The following OR5M1 variants were observed in gnomAD, a reference collection of about 807,000 sequenced individuals.
OR5M1 encodes olfactory receptor 5M1.
For synonymous variants in OR5M1, 165 were observed against 144.2 expected, an observed-to-expected ratio of 1.14 and a Z score of -1.04; for missense variants, 367 against 379.5, an observed-to-expected ratio of 0.97 and a Z score of 0.27.
Position 56,613,112 on chromosome 11 carries a change from G to T in OR5M1, c.391C>A (p.His131Asn). The change falls in exon 2 of 2, where the codon CAT becomes AAT. Residue 131 changes from histidine to asparagine, a missense_variant. Transcript: ENST00000641076. ...TTCTTGGACATCCTGGAACTGTAAT[G>T]CAAAGGGCTGCAAATGGCTACATAG... is the stretch of plus-strand genomic sequence containing the variant. Reference protein sequence around the residue: ...DRYVAICSPLHYSSRMSKNIC... With the variant: ...DRYVAICSPLNYSSRMSKNIC... 1 of 1,613,868 alleles carries T rather than the reference G, an allele frequency of 6.2e-7. No homozygotes were observed. The highest frequency in any genetic ancestry group is 2.2e-5 in the East Asian group (1 of 44,870).
At position 56,612,881 on chromosome 11, in the gene OR5M1, A is replaced by G. The variant is rs1453258616; in HGVS notation, c.622T>C (p.Ser208Pro). ...AGAAGAATGATGAAGAGAGAGCTTGAGAGATTAAAGCCTGCAACTACAAAC... is the reference window on the plus strand; with the variant it reads ...AGAAGAATGATGAAGAGAGAGCTTGGGAGATTAAAGCCTGCAACTACAAAC... ...AMFVVAGFNLSSSLFIILLSY... is the reference protein window; with the variant it reads ...AMFVVAGFNLPSSLFIILLSY... Residue 208 changes from serine to proline, a missense_variant, in exon 2 of 2, where the codon TCA becomes CCA. Transcript: ENST00000641076. 2 of 1,613,782 alleles carry G rather than the reference A, an allele frequency of 1.2e-6. No homozygotes were observed. The highest frequency in any genetic ancestry group is 1.7e-6 in the Non-Finnish European group (2 of 1,179,734).
At chr11:56,613,712 A>G (rs1186629234) in intron 1 of OR5M1, among the ~76,000 whole-genome samples, 193 bp from the exon 2 acceptor site, 1 of 152,148 alleles carries the variant, frequency 6.6e-6, no homozygotes, top group Non-Finnish European at 1.5e-5. Context: ...CTATACATCA[A>G]ACCCACATAA....
At chr11:56,614,622 T>G (rs1010642971) in intron 1 of OR5M1, among the ~76,000 whole-genome samples, 1 of 152,162 alleles carries the variant, frequency 6.6e-6, no homozygotes, top group Non-Finnish European at 1.5e-5. Context: ...AAATTCCACC[T>G]TAAAGCCATT....
rs1403931633 is a variant in OR5M1 at position 56,613,060 on chromosome 11, G to T, written c.443C>A (p.Pro148His). Residue 148 changes from proline to histidine, a missense_variant, in exon 2 of 2, where the codon CCT (proline) becomes CAT (histidine). By Grantham distance (77) the Pro-to-His change is moderately conservative. Transcript: ENST00000641076. ...CCCACTAAGAAACCCATACATGTAA[G>T]GGATAGTGACCAGACAGACACAGAT... ...KNICVCLVTI[P>H]YMYGFLSGFS... 4 of 1,609,510 alleles carry T rather than the reference G, an allele frequency of 2.5e-6. No homozygotes were observed. Among genetic ancestry groups the T allele is most frequent in the Non-Finnish European group, 3.4e-6 (4 of 1,177,114 alleles).
At position 56,609,973 on chromosome 11, in the gene OR5M1, A is replaced by C. The variant is rs1398544944; in HGVS notation, c.*2582T>G. 3 of 152,064 alleles carry C rather than the reference A, an allele frequency of 2.0e-5. No individual in the cohort carries two copies. Among genetic ancestry groups the C allele is most frequent in the Non-Finnish European group, 4.4e-5 (3 of 67,900 alleles). 9.4% of individuals were successfully genotyped at this position (152,064 alleles called of 1,614,324 possible). Reference sequence around the variant, plus strand: ...ATATAAAGGTGCATACATTATATCAAGTGAAAATCAGTGTTCAAATTTGTA... The same window carrying C: ...ATATAAAGGTGCATACATTATATCACGTGAAAATCAGTGTTCAAATTTGTA... On this transcript the variant is annotated 3_prime_UTR_variant, in exon 2 of 2. Transcript: ENST00000641076.
Position 56,610,673 on chromosome 11 carries a change from T to C in OR5M1, c.*1882A>G, listed in dbSNP as rs1405297759. ...CCTAAAATCAGCACTACACTGTGAC[T>C]GCAACTCTTATAATTACTTTTATTC... On this transcript the variant is annotated 3_prime_UTR_variant, in exon 2 of 2. Transcript: ENST00000641076. 1 of 152,190 alleles carries C rather than the reference T, an allele frequency of 6.6e-6. No homozygotes were observed. Among genetic ancestry groups the C allele is most frequent in the African/African-American group, 2.4e-5 (1 of 41,462 alleles). The allele number at this position is 152,190 out of a possible 1,614,324, so 9.4% of individuals were successfully genotyped here. A position where few individuals can be genotyped will look rare whatever the true frequency, so the allele number is the denominator to read the frequency against.
rs1363731115 is a variant in OR5M1, at chr11:56,611,008, C to A, written c.*1547G>T. Reference sequence around the variant, plus strand: ...TAGGGTTTCAAATCTGGATATGAGACCATTCTGCTTGCCAGAAATGGAATA... The same window carrying A: ...TAGGGTTTCAAATCTGGATATGAGAACATTCTGCTTGCCAGAAATGGAATA... On this transcript the variant is annotated 3_prime_UTR_variant, in exon 2 of 2. Transcript: ENST00000641076. The A allele has an allele frequency of 6.6e-6, 1 of 151,996 alleles. No individual in the cohort carries two copies. Among genetic ancestry groups the A allele is most frequent in the Admixed American group, 6.6e-5 (1 of 15,216 alleles). The allele number at this position is 151,996 out of a possible 1,614,324, so 9.4% of individuals were successfully genotyped here.
chr11:56,610,437 T>C lies in OR5M1; in HGVS notation c.*2118A>G, dbSNP rs1219729065. The C allele has an allele frequency of 1.3e-5, 2 of 152,024 alleles. No individual in the cohort carries two copies. The highest frequency in any genetic ancestry group is 2.9e-5 in the Non-Finnish European group (2 of 67,978). 9.4% of individuals were successfully genotyped at this position (152,024 alleles called of 1,614,324 possible). A position where few individuals can be genotyped will look rare whatever the true frequency, so the allele number is the denominator to read the frequency against. ...ATAATCTCCAACATTCCACCAAGCA[T>C]TTGCAGTGTTTTGAGAATTTCTTTA... On this transcript the variant is annotated 3_prime_UTR_variant, in exon 2 of 2. Coordinates refer to ENST00000641076, the MANE Select transcript of OR5M1 (RefSeq NM_001004740.2).
Position 56,613,296 on chromosome 11 carries a change from T to C in OR5M1, c.207A>G (p.Val69=), listed in dbSNP as rs987369023. The stretch of plus-strand genomic sequence containing the variant: ...TAACATTGGAAGAATAGCAAATGTC[T>C]ACAAAGGAGAGGTGGCCAAGGAAGA... The part of the protein sequence containing the change: ...MYFFLGHLSF[V]DICYSSNVTP... Residue 69 remains valine (V), a synonymous_variant, in exon 2 of 2, where the codon GTA becomes GTG. Transcript: ENST00000641076. 2.5e-6 allele frequency: 4 copies of C among 1,613,676 alleles called. No homozygotes were observed. Among genetic ancestry groups the C allele is most frequent in the African/African-American group, 1.3e-5 (1 of 75,026 alleles).
At chr11:56,614,121 GT>G (rs1374979148) in intron 1 of OR5M1, among the ~76,000 whole-genome samples, 1 of 152,054 alleles carries the variant, frequency 6.6e-6, no homozygotes, top group Non-Finnish European at 1.5e-5. Context: ...ATGAAGACTT[GT>G]TTTTTTCCAC....
Position 56,612,422 on chromosome 11 carries a change from C to T in OR5M1, c.*133G>A. 2 of 533,798 alleles carry T rather than the reference C, an allele frequency of 3.7e-6. No homozygotes were observed. Among genetic ancestry groups the T allele is most frequent in the Non-Finnish European group, 6.5e-6 (2 of 307,448 alleles). 33.1% of individuals were successfully genotyped at this position (533,798 alleles called of 1,614,324 possible). A position where few individuals can be genotyped will look rare whatever the true frequency, so the allele number is the denominator to read the frequency against. On this transcript the variant is annotated 3_prime_UTR_variant, in exon 2 of 2. Coordinates refer to ENST00000641076, the MANE Select transcript of OR5M1 (RefSeq NM_001004740.2). ...CTAAGAAATCAATCTTCAAGGTTTTCATTTGGATAAGAAAGTAAAGTGGTT... is the reference window on the plus strand; with the variant it reads ...CTAAGAAATCAATCTTCAAGGTTTTTATTTGGATAAGAAAGTAAAGTGGTT...
chr11:56,613,890 A>T (rs1356567910), intron 1 of OR5M1, among the ~76,000 whole-genome samples: 1 of 152,182 alleles, frequency 6.6e-6, no homozygotes, highest in Non-Finnish European at 1.5e-5. Flanking sequence ...AATTAAATAC[A>T]AAAACCCTAG....
rs1206925085 is a variant in OR5M1, at chr11:56,611,410, G to A, written c.*1145C>T. 2 of 151,996 alleles carry A rather than the reference G, an allele frequency of 1.3e-5. No homozygotes were observed. Among genetic ancestry groups the A allele is most frequent in the Non-Finnish European group, 2.9e-5 (2 of 68,002 alleles). The allele number at this position is 151,996 out of a possible 1,614,324, so 9.4% of individuals were successfully genotyped here. On this transcript the variant is annotated 3_prime_UTR_variant, in exon 2 of 2. Transcript: ENST00000641076. ...TGCTTAATATTCTGGAAAACCATTT[G>A]AACACTTTATAGTAGATATAGTAGT...
chr11:56,613,152 T>C lies in OR5M1; in HGVS notation c.351A>G (p.Ser117=). ...LVITEFYILA[S]MALDRYVAIC... ...TGGCTACATAGCGATCCAATGCCATTGAAGCAAGGATGTAAAACTCAGTGA... is the reference window on the plus strand; with the variant it reads ...TGGCTACATAGCGATCCAATGCCATCGAAGCAAGGATGTAAAACTCAGTGA... The change falls in exon 2 of 2, where the codon TCA becomes TCG. Residue 117 remains serine (S), a synonymous_variant. Coordinates refer to ENST00000641076, the MANE Select transcript of OR5M1 (RefSeq NM_001004740.2). 1 of 1,613,868 alleles carries C rather than the reference T, an allele frequency of 6.2e-7. No individual in the cohort carries two copies. The highest frequency in any genetic ancestry group is 8.5e-7 in the Non-Finnish European group (1 of 1,179,832).
rs1290455420 is a variant in OR5M1, at chr11:56,611,415, C to G, written c.*1140G>C. The G allele has an allele frequency of 6.6e-6, 1 of 152,146 alleles. No homozygotes were observed. The highest frequency in any genetic ancestry group is 1.9e-4 in the East Asian group (1 of 5,170). The allele number at this position is 152,146 out of a possible 1,614,324, so 9.4% of individuals were successfully genotyped here. On this transcript the variant is annotated 3_prime_UTR_variant, in exon 2 of 2. Coordinates refer to ENST00000641076, the MANE Select transcript of OR5M1 (RefSeq NM_001004740.2). ...AATATTCTGGAAAACCATTTGAACA[C>G]TTTATAGTAGATATAGTAGTTGATA...
chr11:56,610,512 A>G lies in OR5M1; in HGVS notation c.*2043T>C, dbSNP rs1016398336. The G allele has an allele frequency of 3.3e-5, 5 of 152,002 alleles. No individual in the cohort carries two copies. The highest frequency in any genetic ancestry group is 7.2e-5 in the African/African-American group (3 of 41,416). The allele number at this position is 152,002 out of a possible 1,614,324, so 9.4% of individuals were successfully genotyped here. ...AAGAGAGAGAATTTGAAACCAAGAA[A>G]CCTGCTTTTGTCCTACTGAGTGGCC... On this transcript the variant is annotated 3_prime_UTR_variant, in exon 2 of 2. Transcript: ENST00000641076.
rs1271931665 is a variant in OR5M1 at position 56,612,336 on chromosome 11, T to C, written c.*219A>G. 3 of 334,514 alleles carry C rather than the reference T, an allele frequency of 9.0e-6. No homozygotes were observed. Among genetic ancestry groups the C allele is most frequent in the Non-Finnish European group, 1.6e-5 (3 of 186,586 alleles). 20.7% of individuals were successfully genotyped at this position (334,514 alleles called of 1,614,324 possible). On this transcript the variant is annotated 3_prime_UTR_variant, in exon 2 of 2. Transcript: ENST00000641076. ...GAATTATTAGATACTAAAAAATTTATTTTCATAGAATTTCTGACAAATAAA... is the reference window on the plus strand; with the variant it reads ...GAATTATTAGATACTAAAAAATTTACTTTCATAGAATTTCTGACAAATAAA...
rs1001227728 is a variant in OR5M1, at chr11:56,612,332, T to A, written c.*223A>T. Reference sequence around the variant, plus strand: ...TATAGAATTATTAGATACTAAAAAATTTATTTTCATAGAATTTCTGACAAA... The same window carrying A: ...TATAGAATTATTAGATACTAAAAAAATTATTTTCATAGAATTTCTGACAAA... On this transcript the variant is annotated 3_prime_UTR_variant, in exon 2 of 2. Coordinates refer to ENST00000641076, the MANE Select transcript of OR5M1 (RefSeq NM_001004740.2). The A allele has an allele frequency of 2.1e-5, 7 of 327,034 alleles. No homozygotes were observed. Among genetic ancestry groups the A allele is most frequent in the East Asian group, 1.1e-4 (2 of 18,548 alleles). The allele number at this position is 327,034 out of a possible 1,614,324, so 20.3% of individuals were successfully genotyped here. A position where few individuals can be genotyped will look rare whatever the true frequency, so the allele number is the denominator to read the frequency against.
At position 56,613,253 on chromosome 11, in the gene OR5M1, T is replaced by C. The variant is rs375693217; in HGVS notation, c.250A>G (p.Asn84Asp). The C allele has an allele frequency of 2.8e-5, 45 of 1,613,658 alleles. No individual in the cohort carries two copies. The East Asian group carries it at 4.7e-4, about 17-fold the overall frequency. ...ATGGTCTTCTGTTCTGAGAGGAAAT[T>C]GTGCAGCATATTTGGAGTAACATTG... ...SSNVTPNMLH[N>D]FLSEQKTISY... The change falls in exon 2 of 2, where the codon AAT becomes GAT. Residue 84 changes from asparagine (N) to aspartate (D), a missense_variant. Physicochemically the swap from Asn to Asp is conservative, Grantham distance 23 (BLOSUM62 1). Coordinates refer to ENST00000641076, the MANE Select transcript of OR5M1 (RefSeq NM_001004740.2).
Sources: gnomAD v4.1 joint callset for allele counts (sites outside exome capture counted in the v4.1 genomes callset) on GRCh38, gnomAD v4.1.1 for gene constraint, MANE v1.5 for transcripts, NCBI Gene and HGNC (gene_info 2026-07-23, HGNC 2026-07-21) for gene names.